Variants in KIF26B observed in about 807,000 individuals in gnomAD.
KIF26B encodes the protein kinesin family member 26B.
A neutral mutation model predicts 151.2 loss-of-function variants in KIF26B; 63 were observed. The observed-to-expected ratio is 0.42, with a 90% CI of 0.34 to 0.51. The LOEUF is 0.51. KIF26B is among the 20% of genes least tolerant of loss of function. The pLI is 0.07. For synonymous variants in KIF26B, 1,357 were observed against 1,262.1 expected, an observed-to-expected ratio of 1.08 and a Z score of -1.59; for missense variants, 2,813 against 2,913.6, an observed-to-expected ratio of 0.97 and a Z score of 0.79.
chr1:245,168,108 A>C (rs1312870901), intron 2 of KIF26B, among the ~76,000 whole-genome samples: 1 of 152,146 alleles, frequency 6.6e-6, no homozygotes, highest in Non-Finnish European at 1.5e-5. Context: ...GTGGGCTCTA[A>C]GCTTCTCCCA....
At chr1:245,257,422 T>C (rs1670556998) in intron 2 of KIF26B, among the ~76,000 whole-genome samples, 1 of 152,232 alleles carries the variant, frequency 6.6e-6, no homozygotes, top group Admixed American at 6.5e-5. Context: ...TCCTTTTGTT[T>C]ACATGGGATT....
At chr1:245,646,645 G>A (rs989128010) in intron 10 of KIF26B, among the ~76,000 whole-genome samples, 12 of 152,134 alleles carry the variant, frequency 7.9e-5, no homozygotes, top group East Asian at 3.9e-4. Flanking sequence ...ATCCTTAGGG[G>A]TAGGGCCACC....
intron 5 of KIF26B, among the ~76,000 whole-genome samples, chr1:245,562,112 C>T (rs143124852): frequency 1.1e-4 from 17 of 152,204 alleles, no homozygotes; most frequent in African/African-American, 1.9e-4. Context: ...ACTTTGTCTC[C>T]GCGGTGGTGC....
chr1:245,588,118 A>G (rs192086140), intron 5 of KIF26B, among the ~76,000 whole-genome samples: 1 of 152,166 alleles, frequency 6.6e-6, no homozygotes, highest in Admixed American at 6.5e-5. Flanking sequence ...GGGGATTATC[A>G]TTGTTGGAAT....
intron 2 of KIF26B, among the ~76,000 whole-genome samples, chr1:245,193,920 C>T (rs1488140443): frequency 2.0e-5 from 3 of 152,214 alleles, no homozygotes; most frequent in African/African-American, 4.8e-5. Flanking sequence ...GTCCATTGAT[C>T]GTGTTAGGAC....
At chr1:245,651,147 G>A (rs1258848591) in intron 10 of KIF26B, among the ~76,000 whole-genome samples, 1 of 152,170 alleles carries the variant, frequency 6.6e-6, no homozygotes, top group African/African-American at 2.4e-5. Context: ...GCTATAATGG[G>A]AACTCTTTTC....
intron 5 of KIF26B, among the ~76,000 whole-genome samples, chr1:245,593,483 C>T (rs552344080): frequency 1.3e-5 from 2 of 152,278 alleles, no homozygotes; most frequent in African/African-American, 4.8e-5. Flanking sequence ...CATCCATGTC[C>T]CTGCAAAGGA....
intron 4 of KIF26B, among the ~76,000 whole-genome samples, chr1:245,420,307 A>C (rs1336753428): frequency 6.6e-6 from 1 of 152,242 alleles, no homozygotes; most frequent in Non-Finnish European, 1.5e-5. Flanking sequence ...AAGGTATTTC[A>C]ACAATGTTTT....
At chr1:245,373,574 G>T (rs1299585262) in intron 3 of KIF26B, among the ~76,000 whole-genome samples, 1 of 152,194 alleles carries the variant, frequency 6.6e-6, no homozygotes, top group Non-Finnish European at 1.5e-5. Context: ...GGTCGTCCAT[G>T]TGCATTCCTT....
chr1:245,522,226 G>A (rs1162640899), intron 4 of KIF26B, among the ~76,000 whole-genome samples: 2 of 152,172 alleles, frequency 1.3e-5, no homozygotes, highest in African/African-American at 4.8e-5. Context: ...GGGCATGAGG[G>A]ACATAGCAAT....
At chr1:245,530,102 T>C (rs984085357) in intron 4 of KIF26B, among the ~76,000 whole-genome samples, 31 of 152,176 alleles carry the variant, frequency 2.0e-4, no homozygotes, top group Admixed American at 1.6e-3. Flanking sequence ...TTGATCATCA[T>C]AGAAATGCAA....
intron 2 of KIF26B, among the ~76,000 whole-genome samples, chr1:245,225,598 T>G (rs934528477): frequency 2.6e-5 from 4 of 152,174 alleles, no homozygotes; most frequent in Non-Finnish European, 4.4e-5. Context: ...CCATCCACAT[T>G]TCTGGCTTTC....
intron 2 of KIF26B, among the ~76,000 whole-genome samples, chr1:245,316,404 A>G (rs951748929): frequency 6.6e-5 from 10 of 152,262 alleles, no homozygotes; most frequent in African/African-American, 4.8e-5. Context: ...GATTACAGGC[A>G]TGAGCCACCG....
At chr1:245,594,612 G>A (rs2103139386) in intron 5 of KIF26B, among the ~76,000 whole-genome samples, 1 of 152,260 alleles carries the variant, frequency 6.6e-6, no homozygotes, top group African/African-American at 2.4e-5. Flanking sequence ...GATGCCTCCA[G>A]CTTTGTTCTT....
chr1:245,436,695 A>C (rs980817832), intron 4 of KIF26B, among the ~76,000 whole-genome samples: 1 of 152,138 alleles, frequency 6.6e-6, no homozygotes, highest in African/African-American at 2.4e-5. Context: ...CTTCACAACA[A>C]CATCTAGACT....
At chr1:245,509,523 A>C (rs1248307687) in intron 4 of KIF26B, among the ~76,000 whole-genome samples, 3 of 152,248 alleles carry the variant, frequency 2.0e-5, no homozygotes, top group African/African-American at 7.2e-5. Flanking sequence ...TGGTGTTCCC[A>C]TAGGTGTTGC....
intron 4 of KIF26B, among the ~76,000 whole-genome samples, chr1:245,442,222 G>C (rs763207525): frequency 1.8e-4 from 27 of 152,172 alleles, no homozygotes; most frequent in Non-Finnish European, 3.4e-4. Flanking sequence ...ACGCCTGGTA[G>C]CCTTTTTTCT....
chr1:245,400,458 C>T (rs1673968975), intron 3 of KIF26B, among the ~76,000 whole-genome samples: 2 of 149,716 alleles, frequency 1.3e-5, no homozygotes, highest in South Asian at 2.1e-4. Context: ...TGTATGCCCA[C>T]AGGGCATAAA....
intron 4 of KIF26B, among the ~76,000 whole-genome samples, chr1:245,453,701 C>G (rs935665567): frequency 6.6e-6 from 1 of 152,080 alleles, no homozygotes; most frequent in African/African-American, 2.4e-5. Context: ...TGGATTCTGC[C>G]TTGTCTGTTA....
Sources: gnomAD v4.1 joint callset for allele counts (sites outside exome capture counted in the v4.1 genomes callset) on GRCh38, gnomAD v4.1.1 for gene constraint, MANE v1.5 for transcripts, NCBI Gene and HGNC (gene_info 2026-07-23, HGNC 2026-07-21) for gene names.